The following NEDD4L variants were observed in gnomAD, a reference collection of about 807,000 sequenced individuals.
NEDD4L encodes NEDD4 like E3 ubiquitin protein ligase.
In NEDD4L, 54 loss-of-function variants were observed where a neutral mutation model predicts 148.9. The ratio of observed to expected loss-of-function variants is 0.36; its 90% CI spans 0.29 to 0.45. The LOEUF (loss-of-function observed/expected upper bound fraction) is 0.45. Ranked by LOEUF, NEDD4L falls within the 20% of genes least tolerant of loss-of-function variation. The pLI, the probability that NEDD4L is intolerant of heterozygous loss-of-function variation, is 1.00. For missense variants in NEDD4L, 856 were observed against 1,233.8 expected (o/e 0.69, Z 4.59); for synonymous variants, 433 against 440.7 (o/e 0.98, Z 0.22).
intron 1 of NEDD4L, among the ~76,000 whole-genome samples, chr18:58,067,626 G>A (rs938658759): frequency 1.3e-5 from 2 of 152,202 alleles, no homozygotes; most frequent in South Asian, 4.1e-4. Flanking sequence ...AGGAAGAGGA[G>A]TAGCTTAATG....
intron 5 of NEDD4L, among the ~76,000 whole-genome samples, chr18:58,298,875 A>G (rs1342561528): frequency 6.6e-6 from 1 of 152,252 alleles, no homozygotes; most frequent in Non-Finnish European, 1.5e-5. Flanking sequence ...AATTAAATAA[A>G]TAAGTGATTA....
chr18:58,131,864 A>G (rs550197162), intron 1 of NEDD4L, among the ~76,000 whole-genome samples: 1 of 152,300 alleles, frequency 6.6e-6, no homozygotes, highest in East Asian at 1.9e-4. Context: ...ATACCTGGAA[A>G]GTTGTGGGAA....
intron 2 of NEDD4L, among the ~76,000 whole-genome samples, chr18:58,219,340 A>G (rs1436992031): frequency 6.6e-6 from 1 of 152,236 alleles, no homozygotes; most frequent in African/African-American, 2.4e-5. Flanking sequence ...AAAAGTGAGC[A>G]TACTCAAGTG....
chr18:58,182,324 C>T (rs999234757), intron 2 of NEDD4L, among the ~76,000 whole-genome samples: 1 of 151,806 alleles, frequency 6.6e-6, no homozygotes, highest in Non-Finnish European at 1.5e-5. Context: ...TTACAAATAC[C>T]AACAAAAACC....
chr18:58,256,495 G>A lies in NEDD4L; in HGVS notation c.297+4441G>A, dbSNP rs980162233. Reference sequence around the variant, plus strand: ...GCATTCGGCTGGAGAGGAGCACCTCGTACCCCACGCAGCCCCGAAGCGAGC... The same window carrying A: ...GCATTCGGCTGGAGAGGAGCACCTCATACCCCACGCAGCCCCGAAGCGAGC... On this transcript the variant is annotated intron_variant, in intron 5 of 30. Transcript: ENST00000400345. This position sits in a 1 kb window ranked among gnomAD's most constrained non-coding sequence, Gnocchi z 5.2. 22 of 1,232,168 alleles carry A rather than the reference G, an allele frequency of 1.8e-5. No individual in the cohort carries two copies. Among genetic ancestry groups the A allele is most frequent in the Non-Finnish European group, 2.1e-5 (21 of 988,066 alleles). The allele number at this position is 1,232,168 out of a possible 1,614,324, so 76.3% of individuals were successfully genotyped here.
At chr18:58,374,786 GCCCTGTGGATGCAGGTGTCA>G (rs1465045512) in intron 24 of NEDD4L, among the ~76,000 whole-genome samples, 5 of 152,068 alleles carry the variant, frequency 3.3e-5, no homozygotes, top group Non-Finnish European at 5.9e-5. Flanking sequence ...TCCTCTGCTG[GCCCTGTGGATGCAGGTGTCA>G]CCCTGCCAGC....
chr18:58,135,736 A>G (rs2032768353), intron 1 of NEDD4L, among the ~76,000 whole-genome samples: 1 of 152,182 alleles, frequency 6.6e-6, no homozygotes, highest in Non-Finnish European at 1.5e-5. Flanking sequence ...CGTGGACTGG[A>G]ATATTCTTCA....
chr18:58,292,873 A>G (rs1387224659), intron 5 of NEDD4L, among the ~76,000 whole-genome samples: 2 of 152,242 alleles, frequency 1.3e-5, no homozygotes, highest in Non-Finnish European at 2.9e-5. Flanking sequence ...GTTAAGTAGA[A>G]GTCAGTCTGG....
intron 2 of NEDD4L, among the ~76,000 whole-genome samples, chr18:58,224,792 T>A (rs2044171891): frequency 6.6e-6 from 1 of 152,228 alleles, no homozygotes; most frequent in African/African-American, 2.4e-5. Flanking sequence ...CCCTTTCACT[T>A]GTCTGTTTTT....
intron 5 of NEDD4L, among the ~76,000 whole-genome samples, chr18:58,269,608 G>T (rs553916): frequency 6.6e-6 from 1 of 152,084 alleles, no homozygotes; most frequent in South Asian, 2.1e-4. Context: ...GCCAGAAGTA[G>T]ATGTATTGCT....
intron 16 of NEDD4L, among the ~76,000 whole-genome samples, chr18:58,344,688 G>A (rs1445644768): frequency 2.6e-5 from 4 of 151,886 alleles, no homozygotes; most frequent in Non-Finnish European, 5.9e-5. Flanking sequence ...TAAGAGACGG[G>A]CAGCTCGTTG....
intron 5 of NEDD4L, among the ~76,000 whole-genome samples, chr18:58,307,288 A>G (rs1326665910): frequency 6.9e-6 from 1 of 145,090 alleles, no homozygotes; most frequent in Non-Finnish European, 1.5e-5. Context: ...TCTGCGAGGC[A>G]GGAAGCACAC....
At chr18:58,271,499 T>C (rs1249716194) in intron 5 of NEDD4L, among the ~76,000 whole-genome samples, 3 of 152,238 alleles carry the variant, frequency 2.0e-5, no homozygotes, top group Non-Finnish European at 2.9e-5. Flanking sequence ...AAAAGTTCTT[T>C]CTGGTTTTTA....
At chr18:58,113,960 C>T (rs537915525) in intron 1 of NEDD4L, among the ~76,000 whole-genome samples, 37 of 152,268 alleles carry the variant, frequency 2.4e-4, no homozygotes, top group Admixed American at 3.3e-4. Context: ...TCAGTGCCCA[C>T]GTTTTCTGTC....
Sources: gnomAD v4.1 joint callset for allele counts (sites outside exome capture counted in the v4.1 genomes callset) on GRCh38, gnomAD v4.1.1 for gene constraint, Gnocchi (gnomAD v3.1) non-coding constraint, MANE v1.5 for transcripts, NCBI Gene and HGNC (gene_info 2026-07-23, HGNC 2026-07-21) for gene names.